Variants in SLC12A8 observed in about 807,000 individuals in gnomAD.
The protein encoded by SLC12A8 is cation-chloride cotransporter 9.
SLC12A8 carries 69 observed loss-of-function variants against 75.6 expected under a neutral mutation model. The ratio of observed to expected loss-of-function variants is 0.91; its 90% CI spans 0.75 to 1.11. The LOEUF (loss-of-function observed/expected upper bound fraction) is 1.11. Ranked by LOEUF, SLC12A8 falls within the 50% of genes most tolerant of loss-of-function variation. The probability of loss-of-function intolerance (pLI) is 0.00; values close to 1 mark genes in which losing one functional copy is unlikely to be tolerated. For missense variants in SLC12A8, 877 were observed against 896.7 expected (o/e 0.98, Z 0.28); for synonymous variants, 365 against 372.8 (o/e 0.98, Z 0.24).
chr3:125,137,922 C>A (rs183647408), intron 5 of SLC12A8, among the ~76,000 whole-genome samples: 2 of 150,178 alleles, frequency 1.3e-5, no homozygotes, highest in Non-Finnish European at 3.0e-5. Context: ...CACACGCTCA[C>A]GCTCACACGC....
intron 2 of SLC12A8, 39 bp from the exon 3 acceptor site, chr3:125,190,560 T>G: frequency 6.2e-7 from 1 of 1,608,448 alleles, no homozygotes; most frequent in Non-Finnish European, 8.5e-7. Context: ...GAGGGGCCAT[T>G]GGGAGGGCCA....
In SLC12A8 at chr3:125,107,743, C is replaced by T. The variant is rs981441967; in HGVS notation, c.1443G>A (p.Glu481=). ...TCTGACTTTCTGGGGTCCTGTTACC[C>T]TCTCCTTGCCTGGGCTGGCTACTCT... The part of the protein sequence containing the change: ...KLESSQPRQG[E]GNRTPESQKR... The change falls in exon 10 of 14, where the codon GAG becomes GAA. Residue 481 remains glutamate, a synonymous_variant. Coordinates refer to ENST00000469902, the MANE Select transcript of SLC12A8 (RefSeq NM_024628.6). The T allele has an allele frequency of 1.2e-6, 2 of 1,614,168 alleles. No individual in the cohort carries two copies. The highest frequency in any genetic ancestry group is 2.2e-5 in the East Asian group (1 of 44,882).
At chr3:125,163,431 C>A (rs1235998510) in intron 5 of SLC12A8, among the ~76,000 whole-genome samples, 2 of 149,794 alleles carry the variant, frequency 1.3e-5, no homozygotes, top group Non-Finnish European at 2.9e-5. Context: ...CACGGTGAAA[C>A]CCCGTCTCTA....
intron 3 of SLC12A8, 129 bp downstream of exon 3, chr3:125,190,246 G>A: frequency 1.0e-6 from 1 of 986,422 alleles, no homozygotes; most frequent in Non-Finnish European, 1.5e-6. Context: ...CATCGTGCTT[G>A]CTTCTGTTTC....
chr3:125,100,337 C>T (rs1305756221), intron 10 of SLC12A8, among the ~76,000 whole-genome samples: 1 of 152,072 alleles, frequency 6.6e-6, no homozygotes, highest in African/African-American at 2.4e-5. Context: ...TGTACATACA[C>T]CTAATTATCA....
intron 5 of SLC12A8, among the ~76,000 whole-genome samples, chr3:125,146,919 C>T (rs1933788755): frequency 6.6e-6 from 1 of 152,246 alleles, no homozygotes; most frequent in Non-Finnish European, 1.5e-5. Context: ...AGCTGCCCAG[C>T]AAGCCATCTG....
intron 2 of SLC12A8, among the ~76,000 whole-genome samples, chr3:125,200,280 TCTA>T (rs1248287016): frequency 1.3e-5 from 2 of 152,102 alleles, no homozygotes; most frequent in Non-Finnish European, 2.9e-5. Context: ...AAACCCCGTC[TCTA>T]CTAAAAATAC....
At chr3:125,164,048 C>T (rs1342522079) in intron 5 of SLC12A8, among the ~76,000 whole-genome samples, 3 of 152,216 alleles carry the variant, frequency 2.0e-5, no homozygotes, top group Non-Finnish European at 4.4e-5. Context: ...CCTCACAGTC[C>T]ACATCTCATT....
chr3:125,121,348 T>C (rs1933054265), intron 6 of SLC12A8, among the ~76,000 whole-genome samples: 1 of 152,142 alleles, frequency 6.6e-6, no homozygotes, highest in Non-Finnish European at 1.5e-5. Flanking sequence ...TACAAACAAA[T>C]ATATGAAAGC....
At chr3:125,084,772 T>C (rs1381627461) in intron 13 of SLC12A8, among the ~76,000 whole-genome samples, 4 of 152,368 alleles carry the variant, frequency 2.6e-5, no homozygotes, top group East Asian at 1.9e-4. Context: ...ATCAGCTAGG[T>C]GGCCTCCAGA....
chr3:125,142,068 G>A (rs983842548), intron 5 of SLC12A8, among the ~76,000 whole-genome samples: 2 of 152,216 alleles, frequency 1.3e-5, no homozygotes, highest in African/African-American at 4.8e-5. Context: ...CTCGCGCGCC[G>A]CCTCTGGACA....
Position 125,121,042 on chromosome 3 carries a change from A to G in SLC12A8, c.737-356T>C. On this transcript the variant is annotated intron_variant, in intron 6 of 13. Coordinates refer to ENST00000469902, the MANE Select transcript of SLC12A8 (RefSeq NM_024628.6). ...CTGGGACAATGCCCTGGAGAGGCTC[A>G]GCATTACAAAGGTCTGGCAGCCTCC... 5 of 592,980 alleles carry G rather than the reference A, an allele frequency of 8.4e-6. No homozygotes were observed. In the South Asian group the frequency reaches 1.1e-4, roughly 13 times the overall value. 36.7% of individuals were successfully genotyped at this position (592,980 alleles called of 1,614,324 possible).
chr3:125,139,064 A>G (rs1156615537), intron 5 of SLC12A8, among the ~76,000 whole-genome samples: 2 of 152,176 alleles, frequency 1.3e-5, no homozygotes, highest in Non-Finnish European at 2.9e-5. Context: ...TTTTAGGAAA[A>G]CAAACAAAAC....
chr3:125,148,975 G>T (rs941271937), intron 5 of SLC12A8, among the ~76,000 whole-genome samples: 1 of 152,172 alleles, frequency 6.6e-6, no homozygotes, highest in African/African-American at 2.4e-5. Flanking sequence ...GCAGCGGGGG[G>T]GCACAGGCAG....
At chr3:125,096,865 T>C (rs1170935421) in intron 10 of SLC12A8, among the ~76,000 whole-genome samples, 2 of 151,924 alleles carry the variant, frequency 1.3e-5, no homozygotes, top group East Asian at 1.9e-4. Context: ...TTATCACTTA[T>C]TGACATCACA....
chr3:125,154,702 T>C (rs1156277706), intron 5 of SLC12A8: 2 of 152,112 alleles, frequency 1.3e-5, no homozygotes, highest in Non-Finnish European at 2.9e-5. Context: ...ATTTATAAAT[T>C]AGGCACAAGA....
At chr3:125,153,282 T>C (rs1933974806) in intron 5 of SLC12A8, among the ~76,000 whole-genome samples, 1 of 151,852 alleles carries the variant, frequency 6.6e-6, no homozygotes, top group Non-Finnish European at 1.5e-5. Context: ...GTGCTTGAGG[T>C]TTTTACAGCC....
rs1933465831 is a variant in SLC12A8 at position 125,135,564 on chromosome 3, G to C, written c.736+105C>G. The C allele has an allele frequency of 6.7e-6, 4 of 594,076 alleles. 1 individual carries two copies. The South Asian group carries it at 1.3e-4, about 20-fold the overall frequency. 36.8% of individuals were successfully genotyped at this position (594,076 alleles called of 1,614,324 possible). A position where few individuals can be genotyped will look rare whatever the true frequency, so the allele number is the denominator to read the frequency against. The stretch of plus-strand genomic sequence containing the variant: ...AAAGCTAAGCCCATATCTAAAGTTG[G>C]ATATACATACCAAGAGTACCTGCAG... On this transcript the variant is annotated intron_variant, in intron 6 of 13. Coordinates refer to ENST00000469902, the MANE Select transcript of SLC12A8 (RefSeq NM_024628.6).
intron 10 of SLC12A8, among the ~76,000 whole-genome samples, chr3:125,097,215 T>A (rs1938737103): frequency 7.8e-6 from 1 of 127,816 alleles, no homozygotes; most frequent in East Asian, 2.3e-4. Context: ...TGAAACCCCG[T>A]CTCTACTAAA....
Sources: gnomAD v4.1 joint callset for allele counts (sites outside exome capture counted in the v4.1 genomes callset) on GRCh38, gnomAD v4.1.1 for gene constraint, MANE v1.5 for transcripts, NCBI Gene and HGNC (gene_info 2026-07-23, HGNC 2026-07-21) for gene names.